The following SAMD4B variants were observed in gnomAD, a reference collection of about 807,000 sequenced individuals.
SAMD4B encodes sterile alpha motif domain containing 4B, also known as protein Smaug homolog 2.
Under a neutral mutation model 74.5 loss-of-function variants are expected in SAMD4B, and 5 were observed. The ratio of observed to expected loss-of-function variants is 0.07; its 90% CI spans 0.04 to 0.14. The LOEUF is 0.14. Ranked by LOEUF, SAMD4B falls within the 10% of genes least tolerant of loss-of-function variation. The pLI, the probability that SAMD4B is intolerant of heterozygous loss-of-function variation, is 1.00. For synonymous variants in SAMD4B, 373 were observed against 374.9 expected, an observed-to-expected ratio of 1.00 and a Z score of 0.06; for missense variants, 608 against 921.8, an observed-to-expected ratio of 0.66 and a Z score of 4.41.
Position 39,385,200 on chromosome 19 carries a change from T to A in SAMD4B, c.*1673T>A. 1 of 187,374 alleles carries A rather than the reference T, an allele frequency of 5.3e-6. No individual in the cohort carries two copies. Among genetic ancestry groups the A allele is most frequent in the Non-Finnish European group, 1.1e-5 (1 of 92,210 alleles). 11.6% of individuals were successfully genotyped at this position (187,374 alleles called of 1,614,324 possible). On this transcript the variant is annotated 3_prime_UTR_variant, in exon 14 of 14. Coordinates refer to ENST00000610417, the MANE Select transcript of SAMD4B (RefSeq NM_001384574.2). ...CTCCATGTTTCTGTGCCTTTGCTCA[T>A]CCCCTCAATCTCCCAGGGCTTCTCC... is the stretch of plus-strand genomic sequence containing the variant.
In SAMD4B at chr19:39,380,775, A is replaced by G. The variant is rs1256225046; in HGVS notation, c.1838A>G (p.Gln613Arg). The G allele has an allele frequency of 1.3e-6, 2 of 1,546,086 alleles. No homozygotes were observed. The highest frequency in any genetic ancestry group is 2.7e-5 in the African/African-American group (2 of 72,912). ...HALTSPSLGG[Q>R]GRQNLWFANP... ...CTCACCAGCCCCAGCCTTGGAGGCCAGGGCCGACAGGTAAGCTGGCTGGAA... is the reference window on the plus strand; with the variant it reads ...CTCACCAGCCCCAGCCTTGGAGGCCGGGGCCGACAGGTAAGCTGGCTGGAA... The change falls in exon 11 of 14, where the codon CAG (glutamine) becomes CGG (arginine). Residue 613 changes from glutamine (Q) to arginine (R), a missense_variant. This residue lies in a region of SAMD4B where 167 missense variants were observed against 193.0 expected (regional missense o/e 0.87). Coordinates refer to ENST00000610417, the MANE Select transcript of SAMD4B (RefSeq NM_001384574.2).
intron 4 of SAMD4B, among the ~76,000 whole-genome samples, chr19:39,371,716 C>T (rs1171947268): frequency 6.6e-6 from 1 of 151,596 alleles, no homozygotes; most frequent in Admixed American, 6.6e-5. Context: ...ACTCGGGGGG[C>T]TGAGGCAGGA....
intron 4 of SAMD4B, among the ~76,000 whole-genome samples, chr19:39,373,198 G>T (rs922395905): frequency 6.6e-6 from 1 of 152,184 alleles, no homozygotes; most frequent in African/African-American, 2.4e-5. Context: ...AAGGGCTTCA[G>T]CTCCCTGGGC....
chr19:39,361,686 G>A (rs1164850554), intron 3 of SAMD4B, among the ~76,000 whole-genome samples: 1 of 151,592 alleles, frequency 6.6e-6, no homozygotes, highest in Non-Finnish European at 1.5e-5. Context: ...CACTTTCGGA[G>A]GCCGAGGTGG....
chr19:39,386,194 C>T (rs766409723), downstream of SAMD4B: 61 of 1,614,164 alleles, frequency 3.8e-5, no homozygotes, highest in Admixed American at 8.7e-4. This position sits in a 1 kb window ranked among gnomAD's most constrained non-coding sequence, Gnocchi z 6.1. Flanking sequence ...TCATCAGAGT[C>T]GGCATCGTCC....
chr19:39,377,387 C>A, intron 7 of SAMD4B, 98 bp from the exon 8 acceptor site: 1 of 1,074,734 alleles, frequency 9.3e-7, no homozygotes, highest in Non-Finnish European at 1.3e-6. Context: ...AGGGTCCTAC[C>A]CAGCCTTCTG....
chr19:39,368,936 C>G (rs910057113), intron 3 of SAMD4B, among the ~76,000 whole-genome samples: 5 of 152,150 alleles, frequency 3.3e-5, no homozygotes, highest in African/African-American at 9.7e-5. Context: ...TACCATATAC[C>G]ACTGCCTTCT....
intron 1 of SAMD4B, among the ~76,000 whole-genome samples, chr19:39,349,347 G>A (rs1304506113): frequency 6.6e-6 from 1 of 152,140 alleles, no homozygotes; most frequent in Non-Finnish European, 1.5e-5. Flanking sequence ...TTTTCGGGGG[G>A]AAGGGGTGTC....
Position 39,375,061 on chromosome 19 carries a change from A to G in SAMD4B, c.668-589A>G, listed in dbSNP as rs36267. 6.9e-3 allele frequency among the ~76,000 whole-genome samples: 1,043 copies of G among 152,214 alleles called. 16 individuals carry two copies. Among genetic ancestry groups the G allele is most frequent in the African/African-American group, 0.024 (987 of 41,512 alleles). ...AACCGCTGAGATCAAGAAGGTAGGAAGAAAGAGCAAGTCCAGAAGTCCTGA... is the reference window on the plus strand; with the variant it reads ...AACCGCTGAGATCAAGAAGGTAGGAGGAAAGAGCAAGTCCAGAAGTCCTGA... On this transcript the variant is annotated intron_variant, in intron 4 of 13. Transcript: ENST00000610417. This position sits in a 1 kb window ranked among gnomAD's most constrained non-coding sequence, Gnocchi z 4.1.
At chr19:39,363,232 C>A (rs549175653) in intron 3 of SAMD4B, among the ~76,000 whole-genome samples, 1 of 152,178 alleles carries the variant, frequency 6.6e-6, no homozygotes, top group Non-Finnish European at 1.5e-5. Flanking sequence ...GACATTTATA[C>A]GCACAGCATT....
At chr19:39,343,381 C>T (rs2075451299) in intron 1 of SAMD4B, among the ~76,000 whole-genome samples, 1 of 150,660 alleles carries the variant, frequency 6.6e-6, no homozygotes, top group African/African-American at 2.4e-5. Flanking sequence ...CCCTGAAGAT[C>T]TCCTTCCCAT....
intron 1 of SAMD4B, chr19:39,349,830 C>T (rs932864767): frequency 2.6e-5 from 4 of 152,258 alleles, no homozygotes; most frequent in African/African-American, 9.7e-5. Flanking sequence ...TGGTCTCAAA[C>T]TCCTGGGCTC....
intron 1 of SAMD4B, among the ~76,000 whole-genome samples, chr19:39,352,822 A>G (rs1374928366): frequency 6.6e-6 from 1 of 152,166 alleles, no homozygotes; most frequent in East Asian, 1.9e-4. Flanking sequence ...ATTTATGGGA[A>G]AGAGTGTGCA....
intron 2 of SAMD4B, among the ~76,000 whole-genome samples, 197 bp from the exon 3 acceptor site, chr19:39,356,492 C>A (rs11669586): frequency 6.6e-6 from 1 of 152,118 alleles, no homozygotes; most frequent in Admixed American, 6.5e-5. Flanking sequence ...GTCCCAGTCA[C>A]GCCTTTTCTC....
At chr19:39,390,611 C>A (rs2145943118), downstream of SAMD4B, among the ~76,000 whole-genome samples, 1 of 152,230 alleles carries the variant, frequency 6.6e-6, no homozygotes, top group Middle Eastern at 3.4e-3. Context: ...TGGAGGGATC[C>A]CTTCTGGAGG....
At chr19:39,385,947 G>C, downstream of SAMD4B, 1 of 1,607,796 alleles carries the variant, frequency 6.2e-7, no homozygotes, top group Non-Finnish European at 8.5e-7. Context: ...GTGCTTTGCT[G>C]CTCACAATAA....
intron 1 of SAMD4B, among the ~76,000 whole-genome samples, chr19:39,347,925 A>G (rs2075797761): frequency 6.6e-6 from 1 of 151,912 alleles, no homozygotes; most frequent in Non-Finnish European, 1.5e-5. Flanking sequence ...TTATATTCTG[A>G]TGGGGGGAGG....
chr19:39,351,359 C>T (rs1000161518), intron 1 of SAMD4B: 7 of 152,212 alleles, frequency 4.6e-5, no homozygotes, highest in African/African-American at 1.7e-4. Context: ...ACTTGGACCT[C>T]TTCAAGTATG....
chr19:39,388,939 G>A (rs370627210), downstream of SAMD4B: 89 of 1,613,870 alleles, frequency 5.5e-5, no homozygotes, highest in African/African-American at 8.9e-4. Context: ...TCCCACCTTG[G>A]GCCTGACCTT....
Sources: gnomAD v4.1 joint callset for allele counts (sites outside exome capture counted in the v4.1 genomes callset) on GRCh38, gnomAD v4.1.1 for gene constraint, gnomAD v4.1.1 regional missense constraint, Gnocchi (gnomAD v3.1) non-coding constraint, MANE v1.5 for transcripts, NCBI Gene and HGNC (gene_info 2026-07-23, HGNC 2026-07-21) for gene names.